The following YWHAE variants were observed in gnomAD, a reference collection of about 807,000 sequenced individuals.
YWHAE encodes the protein tyrosine 3-monooxygenase/tryptophan 5-monooxygenase activation protein epsilon.
YWHAE carries 4 observed loss-of-function variants against 30.1 expected under a neutral mutation model. That is an observed-to-expected ratio of 0.13 (90% CI 0.07 to 0.30). The LOEUF is 0.30. Ranked by LOEUF, YWHAE falls within the 10% of genes least tolerant of loss-of-function variation. The pLI is 1.00. For synonymous variants in YWHAE, 118 were observed against 111.8 expected, an observed-to-expected ratio of 1.06 and a Z score of -0.35; for missense variants, 121 against 315.9, an observed-to-expected ratio of 0.38 and a Z score of 4.68.
intron 2 of YWHAE, among the ~76,000 whole-genome samples, chr17:1,364,289 C>T (rs900869994): frequency 6.6e-6 from 1 of 151,166 alleles, no homozygotes; most frequent in African/African-American, 2.4e-5. Context: ...TGCAGCAGTG[C>T]GATCTCGGCT....
In YWHAE at chr17:1,399,995, G is replaced by A. The variant is rs1226172350; in HGVS notation, c.64+52C>T. ...TGTCTCCTGTTCCCGGCCTCTGTGG[G>A]CGGCGGCAGAGGGTCCGAGAATTCC... is the stretch of plus-strand genomic sequence containing the variant. On this transcript the variant is annotated intron_variant, in intron 1 of 5. Transcript: ENST00000264335. The A allele has an allele frequency of 6.9e-6, 11 of 1,602,662 alleles. No homozygotes were observed. The East Asian group carries it at 2.2e-4, about 33-fold the overall frequency.
At chr17:1,348,317 C>T (rs923750007) in intron 5 of YWHAE, among the ~76,000 whole-genome samples, 1 of 152,128 alleles carries the variant, frequency 6.6e-6, no homozygotes, top group Non-Finnish European at 1.5e-5. Context: ...TATTTCCTAC[C>T]TATGGATTCG....
intron 4 of YWHAE, 89 bp downstream of exon 4, chr17:1,361,001 CAA>C: frequency 8.1e-7 from 1 of 1,233,142 alleles, no homozygotes; most frequent in South Asian, 1.3e-5. Flanking sequence ...GCCAAGTCTA[CAA>C]AGACAGGCCC....
chr17:1,380,899 A>G lies in YWHAE; in HGVS notation c.65-15841T>C, dbSNP rs148877261. ...TATTCAAGTTTTCCCCGACAACTGC[A>G]GCACACAATCCCTTGTTCCCCTTCT... On this transcript the variant is annotated intron_variant, in intron 1 of 5. Transcript: ENST00000264335. Among the ~76,000 whole-genome samples, 296 of 152,326 alleles carry G rather than the reference A, an allele frequency of 1.9e-3. 2 individuals are homozygous for G. Among genetic ancestry groups the G allele is most frequent in the African/African-American group, 6.8e-3 (284 of 41,582 alleles).
At chr17:1,363,045 A>AG (rs2072887865) in intron 2 of YWHAE, among the ~76,000 whole-genome samples, 2 of 152,106 alleles carry the variant, frequency 1.3e-5, no homozygotes, top group African/African-American at 4.8e-5. Context: ...CCAATACCTG[A>AG]GATCACACCA....
intron 5 of YWHAE, among the ~76,000 whole-genome samples, chr17:1,353,455 A>T (rs2072674552): frequency 2.7e-5 from 4 of 147,706 alleles, no homozygotes; most frequent in Non-Finnish European, 1.5e-5. Context: ...AAAAAAGAAA[A>T]GAAAAGAAAA....
chr17:1,357,824 G>C (rs890952682), intron 4 of YWHAE, among the ~76,000 whole-genome samples: 2 of 151,750 alleles, frequency 1.3e-5, no homozygotes, highest in Admixed American at 6.6e-5. Context: ...CTACCTGGGA[G>C]GCTGAAGCAG....
intron 1 of YWHAE, among the ~76,000 whole-genome samples, chr17:1,374,636 G>A (rs1033922251): frequency 6.6e-6 from 1 of 152,138 alleles, no homozygotes; most frequent in Admixed American, 6.5e-5. Context: ...TGGGTGTGAA[G>A]CTGTATCTCT....
chr17:1,371,601 T>A (rs1598252083), intron 1 of YWHAE, among the ~76,000 whole-genome samples: 1 of 152,086 alleles, frequency 6.6e-6, no homozygotes, highest in Non-Finnish European at 1.5e-5. Flanking sequence ...TGAGCACTGG[T>A]TTCAATTTAA....
At chr17:1,346,615 G>A (rs1229043590) in intron 5 of YWHAE, among the ~76,000 whole-genome samples, 1 of 152,172 alleles carries the variant, frequency 6.6e-6, no homozygotes, top group African/African-American at 2.4e-5. Flanking sequence ...CTTCTGCGGC[G>A]GAAACGCTTG....
At chr17:1,365,338 A>G (rs937750441) in intron 1 of YWHAE, among the ~76,000 whole-genome samples, 28 of 152,202 alleles carry the variant, frequency 1.8e-4, no homozygotes, top group African/African-American at 5.3e-4. Flanking sequence ...CTCTCATTAA[A>G]TAAGGTAATT....
chr17:1,356,508 T>C (rs1413267523), intron 4 of YWHAE, among the ~76,000 whole-genome samples: 1 of 152,184 alleles, frequency 6.6e-6, no homozygotes, highest in Non-Finnish European at 1.5e-5. Flanking sequence ...AGCAGAAGCA[T>C]GAGCAAAGGC....
intron 1 of YWHAE, among the ~76,000 whole-genome samples, chr17:1,370,144 T>C (rs1447409210): frequency 1.6e-5 from 2 of 125,350 alleles, no homozygotes; most frequent in East Asian, 2.0e-4. Context: ...TTTTTTTTTT[T>C]TGAGACGGAG....
At chr17:1,378,949 C>CAA (rs71373922) in intron 1 of YWHAE, among the ~76,000 whole-genome samples, 51 of 95,090 alleles carry the variant, frequency 5.4e-4, no homozygotes, top group South Asian at 1.6e-3. Flanking sequence ...AACTCTGTCT[C>CAA]AAAAAAAAAA....
rs557649976 is a variant in YWHAE, at chr17:1,365,616, G to A, written c.65-558C>T. On this transcript the variant is annotated intron_variant, in intron 1 of 5. Coordinates refer to ENST00000264335, the MANE Select transcript of YWHAE (RefSeq NM_006761.5). The stretch of plus-strand genomic sequence containing the variant: ...TTCCTACTTGTTACCACTAGGTGGC[G>A]AGCAAAGAAAGGGGCCCAGAAAAGC... Among the ~76,000 whole-genome samples, 52 of 152,198 alleles carry A rather than the reference G, an allele frequency of 3.4e-4. No individual in the cohort carries two copies. In the South Asian group the frequency reaches 3.9e-3, roughly 12 times the overall value.
intron 1 of YWHAE, among the ~76,000 whole-genome samples, chr17:1,374,587 G>A (rs1263648627): frequency 6.6e-6 from 1 of 152,038 alleles, no homozygotes; most frequent in Non-Finnish European, 1.5e-5. Flanking sequence ...CACGTCCTCA[G>A]GAACACTTGT....
chr17:1,347,756 A>C (rs1454829519), intron 5 of YWHAE, among the ~76,000 whole-genome samples: 3 of 152,218 alleles, frequency 2.0e-5, no homozygotes, highest in Non-Finnish European at 4.4e-5. Context: ...CAGAAGTTCC[A>C]AGTAACTTTG....
intron 1 of YWHAE, among the ~76,000 whole-genome samples, chr17:1,393,290 C>T (rs2073416558): frequency 1.3e-5 from 2 of 150,084 alleles, no homozygotes; most frequent in Admixed American, 1.3e-4. Flanking sequence ...CACTGCACTA[C>T]AGCCTGGGTG....
At chr17:1,386,111 T>C (rs2073296793) in intron 1 of YWHAE, among the ~76,000 whole-genome samples, 1 of 152,146 alleles carries the variant, frequency 6.6e-6, no homozygotes. Flanking sequence ...GTACTTTGCA[T>C]GGCTGTTTGG....
Sources: gnomAD v4.1 joint callset for allele counts (sites outside exome capture counted in the v4.1 genomes callset) on GRCh38, gnomAD v4.1.1 for gene constraint, MANE v1.5 for transcripts, NCBI Gene and HGNC (gene_info 2026-07-23, HGNC 2026-07-21) for gene names.